KCNH5: variants seen among roughly 807,000 people sequenced by gnomAD.
The protein encoded by KCNH5 is potassium voltage-gated channel subfamily H member 5, also known as voltage-gated delayed rectifier potassium channel KCNH5.
Under a neutral mutation model 96.1 loss-of-function variants are expected in KCNH5, and 46 were observed. The observed-to-expected ratio is 0.48, with a 90% CI of 0.38 to 0.61. The LOEUF is 0.61. Among genes scored for constraint, KCNH5 ranks in the 20% least tolerant of loss-of-function variants. The probability of loss-of-function intolerance (pLI) is 0.00; values close to 1 mark genes in which losing one functional copy is unlikely to be tolerated. For synonymous variants in KCNH5, 439 were observed against 449.8 expected (o/e 0.98, Z 0.30); for missense variants, 907 against 1,225.8 (o/e 0.74, Z 3.88).
At chr14:62,946,353 C>A (rs1889886266) in intron 7 of KCNH5, among the ~76,000 whole-genome samples, 1 of 152,084 alleles carries the variant, frequency 6.6e-6, no homozygotes, top group Non-Finnish European at 1.5e-5. Context: ...AGTACATCCA[C>A]TCTGTAAAAT....
At chr14:62,805,227 G>A (rs2140002479) in intron 8 of KCNH5, among the ~76,000 whole-genome samples, 1 of 152,104 alleles carries the variant, frequency 6.6e-6, no homozygotes, top group South Asian at 2.1e-4. Flanking sequence ...TTTTAATAAT[G>A]TTTTTCAGGA....
At chr14:62,794,030 T>A (rs1886488746) in intron 9 of KCNH5, among the ~76,000 whole-genome samples, 1 of 152,016 alleles carries the variant, frequency 6.6e-6, no homozygotes, top group Admixed American at 6.6e-5. Context: ...CCCTATCTTG[T>A]GTTCTAAGAA....
At chr14:62,809,811 A>G (rs1416009970) in intron 8 of KCNH5, among the ~76,000 whole-genome samples, 2 of 152,144 alleles carry the variant, frequency 1.3e-5, no homozygotes, top group Non-Finnish European at 2.9e-5. Context: ...ACTAAATTCT[A>G]GTCTCAGTAG....
At chr14:62,785,011 A>T (rs995634386) in intron 9 of KCNH5, among the ~76,000 whole-genome samples, 4 of 152,204 alleles carry the variant, frequency 2.6e-5, no homozygotes, top group Admixed American at 1.3e-4. Flanking sequence ...CAACATCAGA[A>T]TTCACTTTGT....
intron 1 of KCNH5, among the ~76,000 whole-genome samples, chr14:63,026,898 C>T (rs1307017295): frequency 6.6e-6 from 1 of 152,076 alleles, no homozygotes; most frequent in East Asian, 1.9e-4. Flanking sequence ...GAGCTATCTG[C>T]ATGCTCATGG....
chr14:62,808,556 C>T (rs539471440), intron 8 of KCNH5, among the ~76,000 whole-genome samples: 11 of 151,926 alleles, frequency 7.2e-5, no homozygotes, highest in Non-Finnish European at 1.5e-4. Context: ...ATTAATAGTA[C>T]ATTATTATAA....
At chr14:62,841,434 C>T (rs1245296775) in intron 8 of KCNH5, among the ~76,000 whole-genome samples, 1 of 152,120 alleles carries the variant, frequency 6.6e-6, no homozygotes, top group African/African-American at 2.4e-5. Flanking sequence ...GATACAAACA[C>T]CTACTCATAC....
chr14:62,761,228 G>A (rs532706751), intron 10 of KCNH5, among the ~76,000 whole-genome samples: 13 of 150,964 alleles, frequency 8.6e-5, no homozygotes, highest in Non-Finnish European at 1.3e-4. Context: ...GGTGGCGGGC[G>A]CTTGTAATCC....
chr14:62,816,747 T>C (rs913036109), intron 8 of KCNH5, among the ~76,000 whole-genome samples: 2 of 151,984 alleles, frequency 1.3e-5, no homozygotes, highest in African/African-American at 4.8e-5. Context: ...ATATAGTAGA[T>C]ATAGCAAATA....
At position 62,917,356 on chromosome 14, in the gene KCNH5, T is replaced by C. The variant is rs1019567467; in HGVS notation, c.1369+32777A>G. ...AAAAGGCAGAAATGGTTTGTTAGGT[T>C]TTTTTTTTTTTTTTGCTTTATCTCA... On this transcript the variant is annotated intron_variant, in intron 7 of 10. Coordinates refer to ENST00000322893, the MANE Select transcript of KCNH5 (RefSeq NM_139318.5). Among the ~76,000 whole-genome samples the C allele has an allele frequency of 3.1e-5, 3 of 97,550 alleles. No homozygotes were observed. The Admixed American group carries it at 3.2e-4, about 11-fold the overall frequency. 64.0% of individuals were successfully genotyped at this position (97,550 alleles called of 152,430 possible).
intron 7 of KCNH5, among the ~76,000 whole-genome samples, chr14:62,932,336 A>G (rs189157791): frequency 6.6e-6 from 1 of 152,210 alleles, no homozygotes; most frequent in East Asian, 1.9e-4. Context: ...GAACACAGAG[A>G]AAAGGCAAGA....
chr14:62,955,259 G>A (rs952883950), intron 6 of KCNH5, among the ~76,000 whole-genome samples: 2 of 152,046 alleles, frequency 1.3e-5, no homozygotes, highest in South Asian at 2.1e-4. Flanking sequence ...GGAGCTACAG[G>A]GATAGAAGGA....
chr14:63,012,578 C>T (rs1345531977), intron 2 of KCNH5, among the ~76,000 whole-genome samples: 3 of 152,068 alleles, frequency 2.0e-5, no homozygotes, highest in African/African-American at 7.2e-5. Context: ...CAGAAAACGT[C>T]TCACACAGGG....
chr14:62,872,168 T>C (rs1291828813), intron 7 of KCNH5, among the ~76,000 whole-genome samples: 1 of 152,234 alleles, frequency 6.6e-6, no homozygotes, highest in African/African-American at 2.4e-5. Context: ...AATATTCATT[T>C]GGTTTCTACT....
At chr14:62,831,658 G>A (rs1199476595) in intron 8 of KCNH5, among the ~76,000 whole-genome samples, 1 of 152,012 alleles carries the variant, frequency 6.6e-6, no homozygotes, top group Non-Finnish European at 1.5e-5. Context: ...TGTTCTCCCA[G>A]TTTGTAGATT....
At chr14:62,888,812 TA>T (rs1334490025) in intron 7 of KCNH5, among the ~76,000 whole-genome samples, 1 of 152,172 alleles carries the variant, frequency 6.6e-6, no homozygotes, top group Non-Finnish European at 1.5e-5. Flanking sequence ...TTCCTAAAAA[TA>T]ATTGTTAATA....
intron 10 of KCNH5, among the ~76,000 whole-genome samples, chr14:62,762,697 G>A (rs1343764733): frequency 1.3e-5 from 2 of 150,780 alleles, no homozygotes; most frequent in African/African-American, 4.9e-5. Context: ...AATCTAACAA[G>A]CAAATGGAAA....
chr14:62,799,074 C>G (rs527511751), intron 9 of KCNH5, among the ~76,000 whole-genome samples: 4 of 152,226 alleles, frequency 2.6e-5, no homozygotes, highest in Middle Eastern at 6.8e-3. Context: ...GAGCATTAAA[C>G]ATGATGGCTT....
In KCNH5 at chr14:62,873,824, C is replaced by T. The variant is rs1263327661; in HGVS notation, c.1370-23972G>A. ...TCAAGGGGTGACTGTCACCAGTCTGCTGCTGACAGACACAAAGTGATGTCT... is the reference window on the plus strand; with the variant it reads ...TCAAGGGGTGACTGTCACCAGTCTGTTGCTGACAGACACAAAGTGATGTCT... On this transcript the variant is annotated intron_variant, in intron 7 of 10. Transcript: ENST00000322893. 3.3e-5 allele frequency among the ~76,000 whole-genome samples: 5 copies of T among 152,156 alleles called. No individual in the cohort carries two copies. The East Asian group carries it at 9.6e-4, about 29-fold the overall frequency.
Sources: gnomAD v4.1 joint callset for allele counts (sites outside exome capture counted in the v4.1 genomes callset) on GRCh38, gnomAD v4.1.1 for gene constraint, MANE v1.5 for transcripts, NCBI Gene and HGNC (gene_info 2026-07-23, HGNC 2026-07-21) for gene names.